The following EPN2 variants were observed in gnomAD, a reference collection of about 807,000 sequenced individuals.
The protein encoded by EPN2 is epsin 2, also known as epsin-2.
EPN2 carries 34 observed loss-of-function variants against 61.7 expected under a neutral mutation model. The observed-to-expected ratio is 0.55, with a 90% CI of 0.42 to 0.73. The LOEUF is 0.73. Ranked by LOEUF, EPN2 falls within the 30% of genes least tolerant of loss-of-function variation. The pLI is 0.00. For missense variants in EPN2, 714 were observed against 839.2 expected, an observed-to-expected ratio of 0.85 and a Z score of 1.84; for synonymous variants, 349 against 353.6, an observed-to-expected ratio of 0.99 and a Z score of 0.15.
At chr17:19,302,348 G>A (rs1905572668) in intron 4 of EPN2, among the ~76,000 whole-genome samples, 2 of 152,196 alleles carry the variant, frequency 1.3e-5, no homozygotes, top group Non-Finnish European at 1.5e-5. Flanking sequence ...CTAGGCCAGG[G>A]GTCCCCAACC....
rs775505509 is a variant in EPN2, at chr17:19,334,093, G to A, written c.1765G>A (p.Ala589Thr). ...FGPGPGVESM[A>T]VASMTSAAPQ... Reference sequence around the variant, plus strand: ...GCCTGGCCCAGGAGTGGAGTCCATGGCTGTGGCCTCGATGACCTCCGCGGC... The same window carrying A: ...GCCTGGCCCAGGAGTGGAGTCCATGACTGTGGCCTCGATGACCTCCGCGGC... Residue 589 changes from alanine (A) to threonine (T), a missense_variant, in exon 11 of 11, where the codon GCT becomes ACT. Coordinates refer to ENST00000314728, the MANE Select transcript of EPN2 (RefSeq NM_014964.5). The surrounding 1 kb of genome is among the most constrained non-coding windows in gnomAD (Gnocchi z 4.9). 14 of 1,609,750 alleles carry A rather than the reference G, an allele frequency of 8.7e-6. No homozygotes were observed. Among genetic ancestry groups the A allele is most frequent in the South Asian group, 1.1e-5 (1 of 90,126 alleles).
chr17:19,327,917 G>A (rs1403000289), intron 7 of EPN2, among the ~76,000 whole-genome samples: 1 of 152,184 alleles, frequency 6.6e-6, no homozygotes, highest in Non-Finnish European at 1.5e-5. Flanking sequence ...TCCGCGAGAA[G>A]GAAGGAGATG....
At chr17:19,244,511 T>A (rs1465753384) in intron 1 of EPN2, among the ~76,000 whole-genome samples, 1 of 151,644 alleles carries the variant, frequency 6.6e-6, no homozygotes, top group Non-Finnish European at 1.5e-5. Flanking sequence ...GGGAGTAATG[T>A]TGTTGGGTCC....
intron 4 of EPN2, among the ~76,000 whole-genome samples, chr17:19,293,836 C>G (rs886659110): frequency 3.9e-5 from 6 of 151,946 alleles, no homozygotes; most frequent in African/African-American, 1.2e-4. Context: ...GCCTATAATC[C>G]CAGCACTTTG....
At chr17:19,240,122 C>T (rs1035591529) in intron 1 of EPN2, among the ~76,000 whole-genome samples, 1 of 152,088 alleles carries the variant, frequency 6.6e-6, no homozygotes, top group Admixed American at 6.5e-5. Context: ...TCTGGCGGTT[C>T]TCACTGTTCC....
intron 7 of EPN2, among the ~76,000 whole-genome samples, chr17:19,324,932 C>G (rs918749597): frequency 6.6e-6 from 1 of 152,056 alleles, no homozygotes; most frequent in African/African-American, 2.4e-5. Flanking sequence ...GCATAACTGC[C>G]GGCACACTCA....
intron 4 of EPN2, among the ~76,000 whole-genome samples, chr17:19,295,274 C>T (rs772933067): frequency 1.3e-5 from 2 of 152,008 alleles, no homozygotes; most frequent in Non-Finnish European, 2.9e-5. Flanking sequence ...TCTCCTCTCT[C>T]CTCACCTGAG....
chr17:19,289,030 TG>T (rs1486667593), intron 4 of EPN2, among the ~76,000 whole-genome samples: 1 of 144,448 alleles, frequency 6.9e-6, no homozygotes, highest in Non-Finnish European at 1.5e-5. Flanking sequence ...GGTCTGGACC[TG>T]GCAGGGCTGC....
At chr17:19,290,272 G>T (rs2045449778) in intron 4 of EPN2, among the ~76,000 whole-genome samples, 1 of 152,184 alleles carries the variant, frequency 6.6e-6, no homozygotes, top group Non-Finnish European at 1.5e-5. Context: ...CCTGGTGGGG[G>T]TGAGCAGCCC....
At chr17:19,314,994 G>A (rs774893429) in intron 7 of EPN2, among the ~76,000 whole-genome samples, 2 of 152,264 alleles carry the variant, frequency 1.3e-5, no homozygotes, top group South Asian at 4.1e-4. Flanking sequence ...TTAGTGCCCT[G>A]TAAAGAAAGT....
At chr17:19,239,182 C>T (rs1332351714) in intron 1 of EPN2, among the ~76,000 whole-genome samples, 1 of 152,272 alleles carries the variant, frequency 6.6e-6, no homozygotes, top group Non-Finnish European at 1.5e-5. Context: ...GACGGAGTCT[C>T]TGTCACCCAG....
Position 19,283,537 on chromosome 17 carries a change from T to C in EPN2, c.418T>C (p.Leu140=), listed in dbSNP as rs2152217586. ...GGCTCTCCTCAAGGACGAGGAACGG[T>C]TGAAGGCTGAGAGGGCCCAGGCTCT... is the stretch of plus-strand genomic sequence containing the variant. ...LVALLKDEER[L]KAERAQALKT... Residue 140 remains leucine, a synonymous_variant, in exon 3 of 11, where the codon TTG becomes CTG. Transcript: ENST00000314728. This position sits in a 1 kb window ranked among gnomAD's most constrained non-coding sequence, Gnocchi z 7.0. 6.2e-7 allele frequency: 1 copy of C among 1,614,114 alleles called. No homozygotes were observed. The highest frequency in any genetic ancestry group is 8.5e-7 in the Non-Finnish European group (1 of 1,180,024).
intron 6 of EPN2, 200 bp from the exon 7 acceptor site, chr17:19,312,905 A>G (rs1169094107): frequency 3.5e-6 from 2 of 577,288 alleles, no homozygotes; most frequent in Non-Finnish European, 6.1e-6. Flanking sequence ...TTTAGCAAAC[A>G]GTAAATAGCT....
At chr17:19,307,294 T>C (rs902130787) in intron 4 of EPN2, among the ~76,000 whole-genome samples, 2 of 152,156 alleles carry the variant, frequency 1.3e-5, no homozygotes, top group Admixed American at 6.5e-5. Context: ...AAAATACATT[T>C]ATGTTTTTAT....
At chr17:19,325,029 A>G (rs2152237547) in intron 7 of EPN2, among the ~76,000 whole-genome samples, 1 of 152,330 alleles carries the variant, frequency 6.6e-6, no homozygotes, top group African/African-American at 2.4e-5. Flanking sequence ...TAAAATTAAA[A>G]AGGAAACAGC....
intron 7 of EPN2, among the ~76,000 whole-genome samples, chr17:19,321,707 A>G (rs1906646198): frequency 6.9e-6 from 1 of 144,838 alleles, no homozygotes; most frequent in Non-Finnish European, 1.5e-5. Context: ...GCGAGGCTCC[A>G]GTCTGTTATC....
At chr17:19,299,114 A>G (rs1021751536) in intron 4 of EPN2, among the ~76,000 whole-genome samples, 1 of 152,200 alleles carries the variant, frequency 6.6e-6, no homozygotes, top group Non-Finnish European at 1.5e-5. Context: ...AGAGTGCTCA[A>G]TTGGGAGCCC....
intron 1 of EPN2, among the ~76,000 whole-genome samples, chr17:19,244,001 T>G (rs1400766299): frequency 6.6e-6 from 1 of 152,202 alleles, no homozygotes; most frequent in Non-Finnish European, 1.5e-5. Flanking sequence ...GAAATGTTTC[T>G]GAATATTGGT....
intron 7 of EPN2, among the ~76,000 whole-genome samples, chr17:19,319,780 TG>T (rs1906560552): frequency 6.6e-6 from 1 of 152,164 alleles, no homozygotes. Context: ...CCCAAGTAGC[TG>T]GGACTGCAGG....
Sources: allele counts gnomAD v4.1 joint callset (sites outside exome capture counted in the v4.1 genomes callset), GRCh38; gene constraint gnomAD v4.1.1; non-coding constraint Gnocchi (gnomAD v3.1); transcripts MANE v1.5; gene names NCBI Gene and HGNC (gene_info 2026-07-23, HGNC 2026-07-21).